The following CD163L1 variants were observed in gnomAD, a reference collection of about 807,000 sequenced individuals.
CD163L1 encodes CD163 molecule like 1, also known as scavenger receptor cysteine-rich type 1 protein M160.
CD163L1 carries 124 observed loss-of-function variants against 165.4 expected under a neutral mutation model. The observed-to-expected ratio is 0.75, with a 90% CI of 0.65 to 0.87. The LOEUF is 0.87. CD163L1 is among the 40% of genes least tolerant of loss of function. The probability of loss-of-function intolerance (pLI) is 0.00; values close to 1 mark genes in which losing one functional copy is unlikely to be tolerated. For synonymous variants in CD163L1, 585 were observed against 662.2 expected, an observed-to-expected ratio of 0.88 and a Z score of 1.79; for missense variants, 1,525 against 1,799.9, an observed-to-expected ratio of 0.85 and a Z score of 2.76.
In CD163L1 at chr12:7,375,820, G is replaced by A. The variant is rs759067536; in HGVS notation, c.2566C>T (p.Leu856=). The change falls in exon 10 of 20, where the codon CTA becomes TTA. Residue 856 remains leucine (L), a synonymous_variant. Coordinates refer to ENST00000313599, the MANE Select transcript of CD163L1 (RefSeq NM_174941.6). Reference sequence around the variant, plus strand: ...CACTGGAACTTTTCGGCCCAAGTTAGACCATTCCCTTTTCCAAAGTGATCT... The same window carrying A: ...CACTGGAACTTTTCGGCCCAAGTTAAACCATTCCCTTTTCCAAAGTGATCT... ...VGDHFGKGNG[L]TWAEKFQCEG... 4 of 1,614,110 alleles carry A rather than the reference G, an allele frequency of 2.5e-6. No homozygotes were observed. Among genetic ancestry groups the A allele is most frequent in the Non-Finnish European group, 3.4e-6 (4 of 1,180,052 alleles).
intron 8 of CD163L1, among the ~76,000 whole-genome samples, chr12:7,392,821 A>G (rs188803241): frequency 2.6e-5 from 4 of 152,312 alleles, no homozygotes; most frequent in Admixed American, 1.3e-4. Context: ...GAAAATCGAG[A>G]AGAAGTGGAT....
In CD163L1 at chr12:7,378,057, C is replaced by A. The variant is rs189667911; in HGVS notation, c.2371+921G>T. ...CATATTTCACACATACAAAATTGGACTCATCATCCCACCCTCTCTAAACTG... is the reference window on the plus strand; with the variant it reads ...CATATTTCACACATACAAAATTGGAATCATCATCCCACCCTCTCTAAACTG... On this transcript the variant is annotated intron_variant, in intron 9 of 19. Coordinates refer to ENST00000313599, the MANE Select transcript of CD163L1 (RefSeq NM_174941.6). 1.3e-4 allele frequency among the ~76,000 whole-genome samples: 20 copies of A among 152,246 alleles called. No homozygotes were observed. In the East Asian group the frequency reaches 3.9e-3, roughly 29 times the overall value.
chr12:7,342,533 A>T (rs926148713), downstream of CD163L1, among the ~76,000 whole-genome samples: 3 of 151,910 alleles, frequency 2.0e-5, no homozygotes, highest in Admixed American at 1.3e-4. Flanking sequence ...CCCACTCCAC[A>T]CCTCTATATT....
At chr12:7,440,371 G>A (rs1235773860) in intron 2 of CD163L1, among the ~76,000 whole-genome samples, 1 of 151,420 alleles carries the variant, frequency 6.6e-6, no homozygotes, top group Non-Finnish European at 1.5e-5. Flanking sequence ...ACCGCCGCAC[G>A]GGAAGCGGAA....
At chr12:7,323,109 T>A in the CD163L1 span, 1 of 825,720 alleles carries the variant, frequency 1.2e-6, no homozygotes, top group Non-Finnish European at 1.9e-6. Context: ...TCAAATAATA[T>A]ATTTCAGAAG....
At chr12:7,333,379 C>A in the CD163L1 span, among the ~76,000 whole-genome samples, 1 of 152,172 alleles carries the variant, frequency 6.6e-6, no homozygotes, top group African/African-American at 2.4e-5. Flanking sequence ...ACAACCTGCT[C>A]CTGAATGACT....
Position 7,400,563 on chromosome 12 carries a change from G to A in CD163L1, c.1409-1979C>T, listed in dbSNP as rs1947896977. ...GCTATGTTGCCCAGGCTGGAGTGGA[G>A]TGGCTATTTACAGGTGCAATCATAG... On this transcript the variant is annotated intron_variant, in intron 6 of 19. Transcript: ENST00000313599. This position sits in a 1 kb window ranked among gnomAD's most constrained non-coding sequence, Gnocchi z 4.1. Among the ~76,000 whole-genome samples, 2 of 152,108 alleles carry A rather than the reference G, an allele frequency of 1.3e-5. No homozygotes were observed. Among genetic ancestry groups the A allele is most frequent in the Non-Finnish European group, 2.9e-5 (2 of 68,024 alleles).
chr12:7,369,635 T>C lies in CD163L1; in HGVS notation c.3761A>G (p.Glu1254Gly). The C allele has an allele frequency of 6.2e-7, 1 of 1,614,082 alleles. No individual in the cohort carries two copies. Among genetic ancestry groups the C allele is most frequent in the Non-Finnish European group, 8.5e-7 (1 of 1,179,978 alleles). Residue 1254 changes from glutamate (E) to glycine (G), a missense_variant, in exon 15 of 20, where the codon GAG (glutamate) becomes GGG (glycine). Glu to Gly is a moderately conservative substitution (Grantham distance 98, BLOSUM62 -2). Transcript: ENST00000313599. This position sits in a 1 kb window ranked among gnomAD's most constrained non-coding sequence, Gnocchi z 4.9. ...DRIRVRGGDT[E>G]CSGRVEIWHA... is the part of the protein sequence containing the mutation. ...CCAGATCTCCACTCTCCCAGAGCAC[T>C]CGGTGTCTCCTCCACGCACTCTTAT...
At chr12:7,424,318 G>A (rs1251599463) in intron 4 of CD163L1, among the ~76,000 whole-genome samples, 1 of 151,152 alleles carries the variant, frequency 6.6e-6, no homozygotes, top group Non-Finnish European at 1.5e-5. Flanking sequence ...AATAAACTAG[G>A]TATTGATGGA....
the CD163L1 span, among the ~76,000 whole-genome samples, chr12:7,331,631 C>A: frequency 6.6e-6 from 1 of 152,208 alleles, no homozygotes; most frequent in Non-Finnish European, 1.5e-5. Flanking sequence ...TCACCAATAT[C>A]CGCTGTTCTG....
the CD163L1 span, chr12:7,323,186 C>G: frequency 6.7e-7 from 1 of 1,500,640 alleles, no homozygotes; most frequent in South Asian, 1.2e-5. Context: ...GATATAGTTT[C>G]AGAATATAAA....
At position 7,396,413 on chromosome 12, in the gene CD163L1, C is replaced by G; in HGVS notation, c.1732G>C (p.Asp578His). 1 of 1,599,238 alleles carries G rather than the reference C, an allele frequency of 6.3e-7. No individual in the cohort carries two copies. The highest frequency in any genetic ancestry group is 1.3e-5 in the African/African-American group (1 of 74,722). ...REDVIVTCSG[D>H]ATWGLRLVGG... ...ACCAGCCTCAGGCCCCATGTTGCAT[C>G]ACCTGCACCAAGAACAATGAAGCAA... The change falls in exon 8 of 20, where the codon GAT becomes CAT. Residue 578 changes from aspartate (D) to histidine (H), a missense_variant and splice_region_variant. Transcript: ENST00000313599.
At chr12:7,328,988 A>G in the CD163L1 span, among the ~76,000 whole-genome samples, 1 of 148,554 alleles carries the variant, frequency 6.7e-6, no homozygotes, top group African/African-American at 2.4e-5. Context: ...ATATGTGTAT[A>G]TACACATATG....
At position 7,369,588 on chromosome 12, in the gene CD163L1, C is replaced by G. The variant is rs1947103818; in HGVS notation, c.3808G>C (p.Val1270Leu). ...EIWHAGSWGT[V>L]CDDSWDLAEA... ...GCCAGGTCCCAGGAGTCATCACACACTGTGCCCCAGGAGCCTGCGTGCCAG... is the reference window on the plus strand; with the variant it reads ...GCCAGGTCCCAGGAGTCATCACACAGTGTGCCCCAGGAGCCTGCGTGCCAG... Residue 1270 changes from valine to leucine, a missense_variant, in exon 15 of 20, where the codon GTG (valine) becomes CTG (leucine). By Grantham distance (32) the Val-to-Leu change is conservative. Transcript: ENST00000313599. This position sits in a 1 kb window ranked among gnomAD's most constrained non-coding sequence, Gnocchi z 4.9. 1 of 1,614,030 alleles carries G rather than the reference C, an allele frequency of 6.2e-7. No individual in the cohort carries two copies.
intron 8 of CD163L1, among the ~76,000 whole-genome samples, chr12:7,395,767 T>C (rs1344465652): frequency 2.0e-5 from 3 of 152,142 alleles, no homozygotes; most frequent in Non-Finnish European, 4.4e-5. Context: ...GTTTATTTAT[T>C]TAAATAAATA....
chr12:7,349,721 C>T lies in CD163L1; in HGVS notation c.*25-2574G>A, dbSNP rs971388394. ...TGCTTTGGGCATTTTAATTACTCTA[C>T]AAATGTTGACTGAATAAATTATTTT... On this transcript the variant is annotated intron_variant, in intron 4 of 4. Transcript: ENST00000539726. Among the ~76,000 whole-genome samples, 27 of 152,168 alleles carry T rather than the reference C, an allele frequency of 1.8e-4. 1 individual carries two copies. The highest frequency in any genetic ancestry group is 6.3e-4 in the African/African-American group (26 of 41,432).
In CD163L1 at chr12:7,388,048, A is replaced by G. The variant is rs569257552; in HGVS notation, c.2050+8047T>C. Among the ~76,000 whole-genome samples the G allele has an allele frequency of 8.3e-4, 126 of 152,338 alleles. 1 individual carries two copies. In the South Asian group the frequency reaches 0.025, roughly 30 times the overall value. ...TGAGAGAAGGATCCCTCTTCAACAA[A>G]TGATGCTGGGAAGACTGGATATCCA... On this transcript the variant is annotated intron_variant, in intron 8 of 19. Transcript: ENST00000313599.
intron 8 of CD163L1, among the ~76,000 whole-genome samples, 163 bp downstream of exon 8, chr12:7,395,932 C>A (rs1302527637): frequency 6.6e-6 from 1 of 151,982 alleles, no homozygotes; most frequent in Non-Finnish European, 1.5e-5. Context: ...CAGTTTTGAT[C>A]CCATAGAAAG....
chr12:7,392,024 A>G (rs1215163650), intron 8 of CD163L1, among the ~76,000 whole-genome samples: 1 of 152,226 alleles, frequency 6.6e-6, no homozygotes, highest in Non-Finnish European at 1.5e-5. Flanking sequence ...ATAAGACAGA[A>G]AGTTAACAAG....
Sources: gnomAD v4.1 joint callset for allele counts (sites outside exome capture counted in the v4.1 genomes callset) on GRCh38, gnomAD v4.1.1 for gene constraint, Gnocchi (gnomAD v3.1) non-coding constraint, MANE v1.5 for transcripts, NCBI Gene and HGNC (gene_info 2026-07-23, HGNC 2026-07-21) for gene names.